FAT4: variants seen among roughly 807,000 people sequenced by gnomAD.
FAT4 encodes FAT atypical cadherin 4, also known as protocadherin Fat 4.
In FAT4, 84 loss-of-function variants were observed where a neutral mutation model predicts 303.9. That is an observed-to-expected ratio of 0.28 (90% CI 0.23 to 0.33). FAT4 has a LOEUF of 0.33. FAT4 is among the 10% of genes least tolerant of loss of function. The pLI is 1.00. For synonymous variants in FAT4, 2,307 were observed against 2,298.8 expected, an observed-to-expected ratio of 1.00 and a Z score of -0.10; for missense variants, 6,005 against 6,146.8, an observed-to-expected ratio of 0.98 and a Z score of 0.77.
intron 2 of FAT4, among the ~76,000 whole-genome samples, chr4:125,340,673 C>A (rs566135297): frequency 6.6e-6 from 1 of 152,264 alleles, no homozygotes; most frequent in South Asian, 2.1e-4. Flanking sequence ...TTTAGAAGCT[C>A]TTCTCTAAAG....
At chr4:125,373,806 A>G (rs943739066) in intron 2 of FAT4, among the ~76,000 whole-genome samples, 3 of 152,200 alleles carry the variant, frequency 2.0e-5, no homozygotes, top group Non-Finnish European at 4.4e-5. Flanking sequence ...AGTAACACCC[A>G]TCAATAGGGC....
At chr4:125,470,744 C>G (rs1726829353) in intron 12 of FAT4, among the ~76,000 whole-genome samples, 1 of 152,186 alleles carries the variant, frequency 6.6e-6, no homozygotes, top group Non-Finnish European at 1.5e-5. Flanking sequence ...GTTTGATCTT[C>G]TATCCAGACT....
At chr4:125,399,204 T>C (rs1461833695) in intron 3 of FAT4, among the ~76,000 whole-genome samples, 1 of 152,078 alleles carries the variant, frequency 6.6e-6, no homozygotes, top group Non-Finnish European at 1.5e-5. Context: ...TAAAGAGGTA[T>C]CTCTATTTTA....
At chr4:125,437,341 G>A (rs1725495073) in intron 8 of FAT4, among the ~76,000 whole-genome samples, 1 of 152,182 alleles carries the variant, frequency 6.6e-6, no homozygotes, top group Non-Finnish European at 1.5e-5. Context: ...TAGGAGTTAA[G>A]AAGGTCTGAA....
chr4:125,445,893 C>T (rs1038042095), intron 8 of FAT4, among the ~76,000 whole-genome samples: 1 of 152,092 alleles, frequency 6.6e-6, no homozygotes. Flanking sequence ...TTATGGTATA[C>T]AGCAGAAAAA....
In FAT4 at chr4:125,452,891, A is replaced by G. The variant is rs1039260465; in HGVS notation, c.11800+81A>G. On this transcript the variant is annotated intron_variant, in intron 10 of 17. Transcript: ENST00000394329. ...AAACGAAATAATTTTATCATTTTCC[A>G]ATGATTTTCATATAAATGAGCATAA... The G allele has an allele frequency of 2.2e-4, 315 of 1,463,186 alleles. 1 individual carries two copies. The highest frequency in any genetic ancestry group is 2.8e-4 in the Non-Finnish European group (308 of 1,087,596). The allele number at this position is 1,463,186 out of a possible 1,614,324, so 90.6% of individuals were successfully genotyped here. A position where few individuals can be genotyped will look rare whatever the true frequency, so the allele number is the denominator to read the frequency against.
At chr4:125,431,314 C>G (rs1394171349) in intron 7 of FAT4, among the ~76,000 whole-genome samples, 5 of 152,078 alleles carry the variant, frequency 3.3e-5, no homozygotes, top group Non-Finnish European at 7.4e-5. Context: ...TTAAAAATGT[C>G]CAATTTACTA....
At chr4:125,371,704 T>A (rs1441750920) in intron 2 of FAT4, among the ~76,000 whole-genome samples, 3 of 150,924 alleles carry the variant, frequency 2.0e-5, no homozygotes, top group African/African-American at 4.9e-5. Flanking sequence ...ATATCCTCAA[T>A]AATATCTTAA....
chr4:125,456,166 GA>G (rs1453106172), intron 10 of FAT4, among the ~76,000 whole-genome samples: 1 of 152,152 alleles, frequency 6.6e-6, no homozygotes, highest in Non-Finnish European at 1.5e-5. Context: ...TTGCAATATG[GA>G]AAGGTAGGAA....
At chr4:125,461,504 A>G (rs1367784598) in intron 10 of FAT4, among the ~76,000 whole-genome samples, 1 of 151,946 alleles carries the variant, frequency 6.6e-6, no homozygotes, top group Non-Finnish European at 1.5e-5. Context: ...GAAGGTGGCA[A>G]TTTTGTAACC....
chr4:125,355,808 G>A (rs1732401970), intron 2 of FAT4, among the ~76,000 whole-genome samples: 4 of 151,876 alleles, frequency 2.6e-5, no homozygotes, highest in Admixed American at 1.3e-4. Context: ...TGATGATGAT[G>A]ATGATGACAA....
intron 2 of FAT4, among the ~76,000 whole-genome samples, chr4:125,324,507 G>A (rs1164721787): frequency 2.0e-5 from 3 of 152,130 alleles, no homozygotes; most frequent in Non-Finnish European, 2.9e-5. Context: ...AGGAAATGAA[G>A]GAAGTTAATA....
At chr4:125,455,548 A>G (rs977093824) in intron 10 of FAT4, among the ~76,000 whole-genome samples, 7 of 152,200 alleles carry the variant, frequency 4.6e-5, no homozygotes, top group African/African-American at 1.2e-4. Context: ...TATTGTTCCA[A>G]TTTTGAAGAC....
At chr4:125,452,869 C>A in intron 10 of FAT4, 59 bp downstream of exon 10, 1 of 1,497,108 alleles carries the variant, frequency 6.7e-7, no homozygotes. Flanking sequence ...TATATTGAAA[C>A]GAAATAATTT....
At chr4:125,395,808 T>C (rs1398880545) in intron 2 of FAT4, among the ~76,000 whole-genome samples, 4 of 152,158 alleles carry the variant, frequency 2.6e-5, no homozygotes, top group Non-Finnish European at 5.9e-5. Context: ...AAGGTGTCGT[T>C]TTGAACTCAA....
intron 2 of FAT4, among the ~76,000 whole-genome samples, chr4:125,338,171 T>A (rs900826653): frequency 2.6e-5 from 4 of 152,134 alleles, no homozygotes; most frequent in Non-Finnish European, 5.9e-5. Context: ...AGTAGAGAAT[T>A]AAACCTCCTT....
intron 2 of FAT4, among the ~76,000 whole-genome samples, chr4:125,390,978 T>A (rs1733954352): frequency 1.3e-5 from 2 of 152,180 alleles, no homozygotes; most frequent in Admixed American, 1.3e-4. Context: ...AGATACCATC[T>A]CATGCCAGTC....
chr4:125,452,505 G>T lies in FAT4; in HGVS notation c.11495G>T (p.Arg3832Leu), dbSNP rs539061913. 1.2e-6 allele frequency: 2 copies of T among 1,614,026 alleles called. No individual in the cohort carries two copies. Among genetic ancestry groups the T allele is most frequent in the East Asian group, 4.5e-5 (2 of 44,870 alleles). The part of the protein sequence containing the change: ...RLAVSSVLKS[R>L]ESLPVIIVAN... The stretch of plus-strand genomic sequence containing the variant: ...GCTGTGAGCTCCGTATTAAAAAGCC[G>T]TGAGAGTCTTCCAGTCATCATCGTG... The change falls in exon 10 of 18, where the codon CGT becomes CTT. Residue 3832 changes from arginine to leucine, a missense_variant. Arg to Leu is a moderately radical substitution (Grantham distance 102, BLOSUM62 -2). Transcript: ENST00000394329.
Position 125,321,398 on chromosome 4 carries a change from G to A in FAT4, c.4987G>A (p.Val1663Met). Residue 1663 changes from valine (V) to methionine (M), a missense_variant, in exon 2 of 18, where the codon GTG becomes ATG. Transcript: ENST00000394329. ...AASPRGSEAP[V>M]EYYIVSVRCE... ...TAGCCCCAGAGGATCTGAGGCCCCA[G>A]TGGAGTATTATATTGTTTCAGTTCG... The A allele has an allele frequency of 1.2e-6, 2 of 1,614,164 alleles. No homozygotes were observed. The highest frequency in any genetic ancestry group is 1.7e-6 in the Non-Finnish European group (2 of 1,180,006).
Sources: allele counts gnomAD v4.1 joint callset (sites outside exome capture counted in the v4.1 genomes callset), GRCh38; gene constraint gnomAD v4.1.1; transcripts MANE v1.5; gene names NCBI Gene and HGNC (gene_info 2026-07-23, HGNC 2026-07-21).